The following DCC variants were observed in gnomAD, a reference collection of about 807,000 sequenced individuals.
DCC encodes netrin receptor DCC.
A neutral mutation model predicts 172.5 loss-of-function variants in DCC; 58 were observed. The observed-to-expected ratio is 0.34, with a 90% confidence interval of 0.27 to 0.42. DCC has a LOEUF of 0.42. Ranked by LOEUF, DCC falls within the 10% of genes least tolerant of loss-of-function variation. The pLI is 1.00. For missense variants in DCC, 1,740 were observed against 1,791.0 expected (o/e 0.97, Z 0.51); for synonymous variants, 709 against 644.5 (o/e 1.10, Z -1.52).
chr18:53,454,227 C>A (rs1204484429), intron 23 of DCC, among the ~76,000 whole-genome samples: 1 of 152,104 alleles, frequency 6.6e-6, no homozygotes, highest in Non-Finnish European at 1.5e-5. Flanking sequence ...TACCTGCAGT[C>A]CCAGATACTC....
chr18:52,438,802 A>T (rs577952751), intron 1 of DCC, among the ~76,000 whole-genome samples: 1 of 152,152 alleles, frequency 6.6e-6, no homozygotes, highest in Non-Finnish European at 1.5e-5. Flanking sequence ...ACAATCTACC[A>T]CTAAAATTCC....
At chr18:52,955,491 A>T (rs1340563501) in intron 5 of DCC, among the ~76,000 whole-genome samples, 1 of 152,114 alleles carries the variant, frequency 6.6e-6, no homozygotes, top group African/African-American at 2.4e-5. Context: ...GGCAATTGTG[A>T]ATAGAGTTTC....
rs568236951 is a variant in DCC at position 53,275,844 on chromosome 18, A to G, written c.1912-29734A>G. Among the ~76,000 whole-genome samples the G allele has an allele frequency of 5.3e-5, 8 of 152,238 alleles. No individual in the cohort carries two copies. The East Asian group carries it at 1.4e-3, about 26-fold the overall frequency. ...AATTTTTTTAAAATAATTTTGTTAC[A>G]ATTTTTCTGCCTTTATATTATATCA... On this transcript the variant is annotated intron_variant, in intron 12 of 28. Coordinates refer to ENST00000442544, the MANE Select transcript of DCC (RefSeq NM_005215.4).
Position 53,351,464 on chromosome 18 carries a change from G to GTATATATATA in DCC, c.2359+11558_2359+11559insATATATATAT, listed in dbSNP as rs35650757. On this transcript the variant is annotated intron_variant, in intron 15 of 28. Coordinates refer to ENST00000442544, the MANE Select transcript of DCC (RefSeq NM_005215.4). ...CAGTGTATATATATATATACACAGTGTGTATATATATATATATATATATAT... is the reference window on the plus strand; with the variant it reads ...CAGTGTATATATATATATACACAGTGTATATATATATGTATATATATATATATATATATAT... 1.2e-4 allele frequency among the ~76,000 whole-genome samples: 4 copies of GTATATATATA among 33,242 alleles called. 1 individual carries two copies. The highest frequency in any genetic ancestry group is 3.2e-4 in the African/African-American group (3 of 9,444). 21.8% of individuals were successfully genotyped at this position (33,242 alleles called of 152,430 possible).
At chr18:53,448,321 G>A (rs937064105) in intron 22 of DCC, among the ~76,000 whole-genome samples, 8 of 152,168 alleles carry the variant, frequency 5.3e-5, no homozygotes, top group Admixed American at 4.6e-4. Flanking sequence ...CATGGTGGAA[G>A]TGGAAGCAAA....
chr18:53,001,257 G>A (rs974570522), intron 5 of DCC, among the ~76,000 whole-genome samples: 5 of 151,984 alleles, frequency 3.3e-5, no homozygotes, highest in East Asian at 1.9e-4. Context: ...GTTCAATAGC[G>A]CCTTCTCTTA....
rs372778977 is a variant in DCC at position 53,017,198 on chromosome 18, C to T, written c.986-46107C>T. Among the ~76,000 whole-genome samples the T allele has an allele frequency of 6.7e-4, 102 of 152,008 alleles. 3 individuals carry two copies. In the East Asian group the frequency reaches 0.017, roughly 25 times the overall value. ...TCACGCCATTCTCCTGCCTCAGCCTCCCGCGTAGCTGGGACTACAGGCGCC... is the reference window on the plus strand; with the variant it reads ...TCACGCCATTCTCCTGCCTCAGCCTTCCGCGTAGCTGGGACTACAGGCGCC... On this transcript the variant is annotated intron_variant, in intron 5 of 28. Transcript: ENST00000442544.
chr18:52,833,765 G>T (rs1440133511), intron 2 of DCC, among the ~76,000 whole-genome samples: 1 of 152,112 alleles, frequency 6.6e-6, no homozygotes, highest in Non-Finnish European at 1.5e-5. Context: ...GGCTTGAGCA[G>T]TCCTCCTGCC....
intron 9 of DCC, among the ~76,000 whole-genome samples, chr18:53,192,238 A>G (rs907024916): frequency 4.6e-5 from 7 of 152,208 alleles, no homozygotes; most frequent in African/African-American, 1.7e-4. Context: ...GCGAAATCGC[A>G]AAGTGAATAT....
At chr18:53,069,185 C>A (rs2042618081) in intron 7 of DCC, among the ~76,000 whole-genome samples, 1 of 152,118 alleles carries the variant, frequency 6.6e-6, no homozygotes, top group East Asian at 1.9e-4. Flanking sequence ...AATTGATAAA[C>A]AGGAAATCTT....
intron 7 of DCC, among the ~76,000 whole-genome samples, chr18:53,090,983 A>G (rs1370818734): frequency 6.6e-6 from 1 of 151,956 alleles, no homozygotes; most frequent in Non-Finnish European, 1.5e-5. Context: ...TGGCAACTAC[A>G]TTGTAACAGA....
chr18:53,194,499 G>C (rs561010372), intron 9 of DCC, among the ~76,000 whole-genome samples: 32 of 151,352 alleles, frequency 2.1e-4, no homozygotes, highest in East Asian at 1.2e-3. Flanking sequence ...ATGGAGTCTT[G>C]CTCTGTTGCC....
chr18:53,424,289 T>C (rs1910785192), intron 21 of DCC, among the ~76,000 whole-genome samples: 1 of 152,168 alleles, frequency 6.6e-6, no homozygotes, highest in South Asian at 2.1e-4. Context: ...ATTGTGGCTA[T>C]GAAGTATGAA....
At chr18:52,987,929 A>G (rs2041320874) in intron 5 of DCC, among the ~76,000 whole-genome samples, 1 of 152,226 alleles carries the variant, frequency 6.6e-6, no homozygotes, top group Non-Finnish European at 1.5e-5. Flanking sequence ...TTCCCTTCTT[A>G]TCAATATTGC....
chr18:52,830,658 G>T (rs568836214), intron 2 of DCC, among the ~76,000 whole-genome samples: 1 of 152,204 alleles, frequency 6.6e-6, no homozygotes, highest in African/African-American at 2.4e-5. Flanking sequence ...TATAATTGTT[G>T]ACTGGTACAA....
chr18:53,063,558 G>A, intron 6 of DCC, 99 bp downstream of exon 6: 1 of 1,005,894 alleles, frequency 9.9e-7, no homozygotes, highest in East Asian at 2.5e-5. Flanking sequence ...GTTCCTGTTG[G>A]AGATTTTTTG....
chr18:52,754,836 C>T (rs1040712422), intron 2 of DCC, among the ~76,000 whole-genome samples: 7 of 152,204 alleles, frequency 4.6e-5, no homozygotes, highest in African/African-American at 1.7e-4. Flanking sequence ...GTGGGTCACT[C>T]TACCTCAAAG....
intron 7 of DCC, among the ~76,000 whole-genome samples, chr18:53,073,467 A>G (rs2144113114): frequency 6.6e-6 from 1 of 152,308 alleles, no homozygotes; most frequent in Admixed American, 6.5e-5. Context: ...CGGAGCTTGC[A>G]GTGAGCCGAG....
At chr18:52,817,031 C>T (rs558846864) in intron 2 of DCC, 5 of 151,952 alleles carry the variant, frequency 3.3e-5, no homozygotes, top group African/African-American at 1.2e-4. Context: ...GCACAGTATT[C>T]GCTAAAATTG....
Sources: gnomAD v4.1 joint callset for allele counts (sites outside exome capture counted in the v4.1 genomes callset) on GRCh38, gnomAD v4.1.1 for gene constraint, MANE v1.5 for transcripts, NCBI Gene and HGNC (gene_info 2026-07-23, HGNC 2026-07-21) for gene names.